Variants in HECW1 observed in about 807,000 individuals in gnomAD.
HECW1 encodes HECT, C2 and WW domain containing E3 ubiquitin protein ligase 1.
HECW1 carries 61 observed loss-of-function variants against 182.3 expected under a neutral mutation model. That is an observed-to-expected ratio of 0.33 (90% CI 0.27 to 0.41). The LOEUF (loss-of-function observed/expected upper bound fraction) is 0.41. Among genes scored for constraint, HECW1 ranks in the 10% least tolerant of loss-of-function variants. The probability of loss-of-function intolerance (pLI) is 1.00; values close to 1 mark genes in which losing one functional copy is unlikely to be tolerated. For missense variants in HECW1, 1,739 were observed against 2,108.9 expected, an observed-to-expected ratio of 0.82 and a Z score of 3.44; for synonymous variants, 859 against 832.6, an observed-to-expected ratio of 1.03 and a Z score of -0.55.
intron 29 of HECW1, among the ~76,000 whole-genome samples, chr7:43,560,134 A>AT (rs771976268): frequency 6.6e-6 from 1 of 152,010 alleles, no homozygotes; most frequent in Admixed American, 6.6e-5. Context: ...CATGCTTGGG[A>AT]TTTTTCACCC....
intron 17 of HECW1, among the ~76,000 whole-genome samples, chr7:43,482,800 G>A (rs569342130): frequency 3.5e-4 from 53 of 152,252 alleles, no homozygotes; most frequent in African/African-American, 1.3e-3. Context: ...AGCTTCTCGG[G>A]AGGCTGAAGT....
At chr7:43,170,322 A>G (rs1324428574) in intron 2 of HECW1, among the ~76,000 whole-genome samples, 1 of 152,130 alleles carries the variant, frequency 6.6e-6, no homozygotes, top group African/African-American at 2.4e-5. Context: ...TGCACAATAA[A>G]TGTAAAGTTC....
chr7:43,461,811 C>T (rs1236901388), intron 13 of HECW1, among the ~76,000 whole-genome samples: 2 of 152,188 alleles, frequency 1.3e-5, no homozygotes, highest in African/African-American at 4.8e-5. Context: ...GTAACCACTA[C>T]AGGCAAAGGT....
chr7:43,370,779 A>G (rs967257689), intron 6 of HECW1, among the ~76,000 whole-genome samples: 1 of 152,176 alleles, frequency 6.6e-6, no homozygotes, highest in East Asian at 1.9e-4. Flanking sequence ...CAATTCATCT[A>G]TATGACCTTC....
intron 3 of HECW1, among the ~76,000 whole-genome samples, chr7:43,250,912 G>A (rs1166773122): frequency 2.0e-5 from 3 of 152,174 alleles, no homozygotes; most frequent in Non-Finnish European, 4.4e-5. Context: ...CTGTTAGGCC[G>A]GAGGGCATAT....
At chr7:43,242,361 G>A (rs145685040) in intron 2 of HECW1, among the ~76,000 whole-genome samples, 15 of 152,294 alleles carry the variant, frequency 9.8e-5, no homozygotes, top group African/African-American at 2.9e-4. Flanking sequence ...TTCTAGAACC[G>A]TTAGGAGGTA....
chr7:43,475,901 A>G (rs1271498374), intron 16 of HECW1, among the ~76,000 whole-genome samples: 1 of 152,198 alleles, frequency 6.6e-6, no homozygotes, highest in African/African-American at 2.4e-5. Flanking sequence ...AAGAATGTAA[A>G]TATGTTTTCG....
At position 43,463,808 on chromosome 7, in the gene HECW1, G is replaced by C. The variant is rs771010538; in HGVS notation, c.2791+9G>C. On this transcript the variant is annotated intron_variant, in intron 14 of 29. Transcript: ENST00000395891. The stretch of plus-strand genomic sequence containing the variant: ...TTCCCAGTCCAGCTTAGGTATTGGA[G>C]GAGGGGTCCCCACAACCTGTGATGG... The C allele has an allele frequency of 2.5e-6, 4 of 1,613,240 alleles. No individual in the cohort carries two copies. Among genetic ancestry groups the C allele is most frequent in the East Asian group, 4.5e-5 (2 of 44,848 alleles).
chr7:43,261,949 A>C (rs2152733674), intron 3 of HECW1, among the ~76,000 whole-genome samples: 1 of 152,130 alleles, frequency 6.6e-6, no homozygotes, highest in East Asian at 1.9e-4. Flanking sequence ...GGTCCAGTGC[A>C]GTGGTTTATG....
intron 2 of HECW1, among the ~76,000 whole-genome samples, chr7:43,211,030 G>C (rs1016129919): frequency 1.3e-5 from 2 of 152,210 alleles, no homozygotes; most frequent in Non-Finnish European, 2.9e-5. Context: ...TCATTGTATT[G>C]TCCCTCCTGC....
At chr7:43,262,683 T>A (rs1249771849) in intron 3 of HECW1, among the ~76,000 whole-genome samples, 1 of 152,250 alleles carries the variant, frequency 6.6e-6, no homozygotes, top group African/African-American at 2.4e-5. Context: ...GGAAACAAAC[T>A]ATTAAAAATA....
At chr7:43,495,508 A>C (rs1250223299) in intron 19 of HECW1, among the ~76,000 whole-genome samples, 1 of 151,760 alleles carries the variant, frequency 6.6e-6, no homozygotes, top group Admixed American at 6.6e-5. Flanking sequence ...TCCCTACAGC[A>C]CTCTAAGCTC....
intron 2 of HECW1, among the ~76,000 whole-genome samples, chr7:43,242,855 C>T (rs1584138459): frequency 1.3e-5 from 2 of 152,266 alleles, no homozygotes; most frequent in Middle Eastern, 6.8e-3. Context: ...TGTGCGTCAC[C>T]ACTGAGAAGT....
chr7:43,386,726 A>G (rs2074814909), intron 6 of HECW1, among the ~76,000 whole-genome samples: 1 of 152,114 alleles, frequency 6.6e-6, no homozygotes, highest in South Asian at 2.1e-4. Flanking sequence ...TCTCAGGTCC[A>G]TGGACTCTCA....
At chr7:43,237,507 TG>T (rs1798483396) in intron 2 of HECW1, among the ~76,000 whole-genome samples, 1 of 152,196 alleles carries the variant, frequency 6.6e-6, no homozygotes, top group Non-Finnish European at 1.5e-5. Flanking sequence ...ACTACTTGCA[TG>T]ACATTGGGCA....
rs1392774611 is a variant in HECW1, at chr7:43,444,932, A to T, written c.1760A>T (p.Glu587Val). The change falls in exon 11 of 30, where the codon GAG (glutamate) becomes GTG (valine). Residue 587 changes from glutamate (E) to valine (V), a missense_variant. Transcript: ENST00000395891. This position sits in a 1 kb window ranked among gnomAD's most constrained non-coding sequence, Gnocchi z 4.3. ...SAAEEEDGAE[E>V]ESTLKDSSEK... ...GCAGAGGAGGAGGACGGCGCGGAGG[A>T]GGAGTCCACCCTCAAGGACTCCTCG... 3 of 1,590,700 alleles carry T rather than the reference A, an allele frequency of 1.9e-6. No homozygotes were observed. The highest frequency in any genetic ancestry group is 1.1e-5 in the South Asian group (1 of 87,186).
At chr7:43,126,777 A>G (rs1786290814) in intron 2 of HECW1, among the ~76,000 whole-genome samples, 1 of 152,186 alleles carries the variant, frequency 6.6e-6, no homozygotes, top group African/African-American at 2.4e-5. Context: ...AAGCTTCTTT[A>G]TTATGATATC....
At chr7:43,501,960 T>G (rs1449400323) in intron 21 of HECW1, among the ~76,000 whole-genome samples, 1 of 152,254 alleles carries the variant, frequency 6.6e-6, no homozygotes, top group African/African-American at 2.4e-5. Context: ...CAGCCATGCC[T>G]GTTCTATGCT....
At chr7:43,359,437 A>C (rs1400242921) in intron 5 of HECW1, among the ~76,000 whole-genome samples, 1 of 152,190 alleles carries the variant, frequency 6.6e-6, no homozygotes, top group African/African-American at 2.4e-5. Flanking sequence ...AATTTGTAAA[A>C]AGTAATTGAT....
Sources: allele counts gnomAD v4.1 joint callset (sites outside exome capture counted in the v4.1 genomes callset), GRCh38; gene constraint gnomAD v4.1.1; non-coding constraint Gnocchi (gnomAD v3.1); transcripts MANE v1.5; gene names NCBI Gene and HGNC (gene_info 2026-07-23, HGNC 2026-07-21).